The following CACNB2 variants were observed in gnomAD, a reference collection of about 807,000 sequenced individuals.
CACNB2 encodes the protein calcium voltage-gated channel auxiliary subunit beta 2.
Under a neutral mutation model 73.3 loss-of-function variants are expected in CACNB2, and 42 were observed. The ratio of observed to expected loss-of-function variants is 0.57; its 90% CI spans 0.45 to 0.74. CACNB2 has a LOEUF of 0.74. Ranked by LOEUF, CACNB2 falls within the 30% of genes least tolerant of loss-of-function variation. The pLI is 0.00. For missense variants in CACNB2, 940 were observed against 853.0 expected, an observed-to-expected ratio of 1.10 and a Z score of -1.27; for synonymous variants, 348 against 310.3, an observed-to-expected ratio of 1.12 and a Z score of -1.28.
chr10:18,219,256 C>G (rs2131380700), intron 2 of CACNB2, among the ~76,000 whole-genome samples: 1 of 152,256 alleles, frequency 6.6e-6, no homozygotes, highest in East Asian at 1.9e-4. Flanking sequence ...CTGGTTATAA[C>G]ATGTTCCTTT....
At chr10:18,402,357 A>G (rs1179459161) in intron 3 of CACNB2, among the ~76,000 whole-genome samples, 4 of 147,754 alleles carry the variant, frequency 2.7e-5, no homozygotes, top group Non-Finnish European at 4.4e-5. Context: ...AACATGTTTT[A>G]CTTCATTTCC....
intron 3 of CACNB2, among the ~76,000 whole-genome samples, chr10:18,442,970 G>GTATATATATA (rs1363855794): frequency 2.3e-4 from 5 of 21,358 alleles, no homozygotes; most frequent in South Asian, 3.4e-3. Context: ...ATATATATAT[G>GTATATATATA]TGTATATATA....
At chr10:18,352,138 C>T (rs1485823165) in intron 2 of CACNB2, among the ~76,000 whole-genome samples, 2 of 152,200 alleles carry the variant, frequency 1.3e-5, no homozygotes, top group Non-Finnish European at 2.9e-5. Flanking sequence ...ATTTTTGCAT[C>T]CAAGCCAGCC....
At chr10:18,461,525 G>A (rs1437957998) in intron 3 of CACNB2, among the ~76,000 whole-genome samples, 1 of 151,908 alleles carries the variant, frequency 6.6e-6, no homozygotes, top group Non-Finnish European at 1.5e-5. Context: ...TTGGCACCAG[G>A]GAACGAGTTT....
At position 18,142,944 on chromosome 10, in the gene CACNB2, G is replaced by T. The variant is rs118117346; in HGVS notation, c.120+2088G>T. 7.0e-3 allele frequency among the ~76,000 whole-genome samples: 1,069 copies of T among 152,306 alleles called. 10 individuals carry two copies. Among genetic ancestry groups the T allele is most frequent in the Middle Eastern group, 0.01 (3 of 294 alleles). On this transcript the variant is annotated intron_variant, in intron 1 of 13. Transcript: ENST00000324631. The stretch of plus-strand genomic sequence containing the variant: ...CTGTAAGGACTTCATTGATGAGGTG[G>T]CATTTGCAAAGAGAATTGAAGGATG...
At position 18,223,011 on chromosome 10, in the gene CACNB2, G is replaced by A. The variant is rs189656642; in HGVS notation, c.213+72036G>A. ...TCCTTTGTTAACTTTGTTGCTTTGA[G>A]TGTTCTGTGTGTTACATAAATGACT... On this transcript the variant is annotated intron_variant, in intron 2 of 13. Coordinates refer to ENST00000324631, the MANE Select transcript of CACNB2 (RefSeq NM_201596.3). Among the ~76,000 whole-genome samples the A allele has an allele frequency of 9.2e-5, 14 of 152,268 alleles. No homozygotes were observed. In the East Asian group the frequency reaches 2.7e-3, roughly 29 times the overall value.
chr10:18,306,531 G>A (rs1270918748), intron 2 of CACNB2, among the ~76,000 whole-genome samples: 1 of 152,060 alleles, frequency 6.6e-6, no homozygotes, highest in African/African-American at 2.4e-5. Context: ...ATGTGAGAGA[G>A]GCAGAAGAAG....
chr10:18,230,810 A>G (rs2036196141), intron 2 of CACNB2, among the ~76,000 whole-genome samples: 1 of 151,176 alleles, frequency 6.6e-6, no homozygotes, highest in South Asian at 2.1e-4. Flanking sequence ...CATGAGGTGA[A>G]ACTGACCATA....
intron 2 of CACNB2, among the ~76,000 whole-genome samples, chr10:18,385,666 T>C (rs2043202671): frequency 7.2e-6 from 1 of 139,746 alleles, no homozygotes; most frequent in Non-Finnish European, 1.6e-5. Context: ...AAAAAATTTA[T>C]TCAAATGACA....
intron 3 of CACNB2, among the ~76,000 whole-genome samples, chr10:18,483,617 C>T (rs1045098587): frequency 4.0e-5 from 6 of 151,616 alleles, no homozygotes; most frequent in African/African-American, 1.5e-4. Context: ...ATTTGTATAA[C>T]TTCTGATCGC....
chr10:18,220,738 C>T (rs778194166), intron 2 of CACNB2, among the ~76,000 whole-genome samples: 11 of 152,124 alleles, frequency 7.2e-5, no homozygotes, highest in Non-Finnish European at 1.2e-4. Context: ...ATCAGATTCT[C>T]ATAGGAGCGT....
chr10:18,485,388 C>T (rs1203794600), intron 3 of CACNB2, among the ~76,000 whole-genome samples: 1 of 151,970 alleles, frequency 6.6e-6, no homozygotes, highest in Non-Finnish European at 1.5e-5. Context: ...CTCTTCAGTT[C>T]CTGGGTGCTT....
chr10:18,341,232 C>T (rs889666461), intron 2 of CACNB2, among the ~76,000 whole-genome samples: 18 of 152,026 alleles, frequency 1.2e-4, no homozygotes, highest in Non-Finnish European at 1.6e-4. Context: ...GAGAGAGTCC[C>T]GGTGCAGACA....
chr10:18,410,079 G>C (rs528365921), intron 3 of CACNB2, among the ~76,000 whole-genome samples: 1 of 152,108 alleles, frequency 6.6e-6, no homozygotes, highest in Non-Finnish European at 1.5e-5. Context: ...AGAGGTGCCT[G>C]TTACCTCCAG....
chr10:18,524,133 C>T (rs1390941694), intron 9 of CACNB2, among the ~76,000 whole-genome samples: 2 of 151,958 alleles, frequency 1.3e-5, no homozygotes, highest in Non-Finnish European at 2.9e-5. Flanking sequence ...TCAGATTCAC[C>T]TTGTAGGATG....
At chr10:18,520,928 A>G (rs1261706251) in intron 9 of CACNB2, among the ~76,000 whole-genome samples, 1 of 152,058 alleles carries the variant, frequency 6.6e-6, no homozygotes, top group African/African-American at 2.4e-5. Context: ...ATGTATTTCC[A>G]GTACTATTTT....
intron 12 of CACNB2, among the ~76,000 whole-genome samples, chr10:18,537,036 G>A (rs1036040959): frequency 3.3e-5 from 5 of 152,154 alleles, no homozygotes; most frequent in African/African-American, 4.8e-5. Flanking sequence ...CCAGGCAGGA[G>A]TGCAGTGGTG....
intron 2 of CACNB2, among the ~76,000 whole-genome samples, chr10:18,259,486 C>G (rs1236553626): frequency 6.8e-6 from 1 of 147,632 alleles, no homozygotes; most frequent in African/African-American, 2.5e-5. Context: ...TGGCAGATCA[C>G]TTGAGTCCAA....
rs2054015152 is a variant in CACNB2 at position 18,540,536 on chromosome 10, T to TCTGAATGTTATACCATCCTTGTAAG, written c.*813_*837dup. The TCTGAATGTTATACCATCCTTGTAAG allele has an allele frequency of 6.6e-6, 1 of 152,556 alleles. No individual in the cohort carries two copies. The highest frequency in any genetic ancestry group is 2.4e-5 in the African/African-American group (1 of 41,412). The allele number at this position is 152,556 out of a possible 1,614,324, so 9.5% of individuals were successfully genotyped here. Reference sequence around the variant, plus strand: ...TTGCTTGACTTGAAAAGGTTTGAATTCTGAATGTTATACCATCCTTGTAAG... The same window carrying TCTGAATGTTATACCATCCTTGTAAG: ...TTGCTTGACTTGAAAAGGTTTGAATTCTGAATGTTATACCATCCTTGTAAGCTGAATGTTATACCATCCTTGTAAG... On this transcript the variant is annotated 3_prime_UTR_variant, in exon 14 of 14. Coordinates refer to ENST00000324631, the MANE Select transcript of CACNB2 (RefSeq NM_201596.3).
Sources: gnomAD v4.1 joint callset for allele counts (sites outside exome capture counted in the v4.1 genomes callset) on GRCh38, gnomAD v4.1.1 for gene constraint, MANE v1.5 for transcripts, NCBI Gene and HGNC (gene_info 2026-07-23, HGNC 2026-07-21) for gene names.